GALC: variants seen among roughly 807,000 people sequenced by gnomAD.
GALC encodes galactocerebrosidase.
In GALC, 77 loss-of-function variants were observed where a neutral mutation model predicts 91.8. The observed-to-expected ratio is 0.84, with a 90% CI of 0.70 to 1.01. GALC has a LOEUF of 1.01. GALC is among the 50% of genes least tolerant of loss of function. The pLI is 0.00. For synonymous variants in GALC, 357 were observed against 306.7 expected, an observed-to-expected ratio of 1.16 and a Z score of -1.71; for missense variants, 882 against 855.9, an observed-to-expected ratio of 1.03 and a Z score of -0.38.
intron 16 of GALC, among the ~76,000 whole-genome samples, chr14:87,937,462 G>A (rs1182102287): frequency 6.6e-6 from 1 of 151,938 alleles, no homozygotes; most frequent in Non-Finnish European, 1.5e-5. Flanking sequence ...AGAGGAAACA[G>A]AATGCCCATA....
At chr14:87,966,331 C>A (rs1886052920) in intron 8 of GALC, among the ~76,000 whole-genome samples, 1 of 152,086 alleles carries the variant, frequency 6.6e-6, no homozygotes, top group South Asian at 2.1e-4. Flanking sequence ...TGATCAGGCC[C>A]TAACAGTCCA....
At chr14:87,938,879 G>A (rs1196665013) in intron 16 of GALC, among the ~76,000 whole-genome samples, 3 of 151,832 alleles carry the variant, frequency 2.0e-5, no homozygotes, top group Admixed American at 2.0e-4. Flanking sequence ...TAGTTGTGAC[G>A]TATGTAACAG....
chr14:87,939,818 T>C (rs756923095), intron 16 of GALC, 87 bp downstream of exon 16: 27 of 967,034 alleles, frequency 2.8e-5, no homozygotes, highest in Non-Finnish European at 4.3e-5. Context: ...TATGTCACAC[T>C]TTCCCCCTCC....
At chr14:87,968,940 A>C (rs1163327025) in intron 7 of GALC, among the ~76,000 whole-genome samples, 1 of 152,118 alleles carries the variant, frequency 6.6e-6, no homozygotes, top group Non-Finnish European at 1.5e-5. Flanking sequence ...GGAGGCCAAA[A>C]ATAAGACTAG....
intron 4 of GALC, 62 bp from the exon 5 acceptor site, chr14:87,984,595 AT>A (rs1886894450): frequency 6.3e-7 from 1 of 1,579,804 alleles, no homozygotes; most frequent in African/African-American, 1.4e-5. Flanking sequence ...GCTATTGAAA[AT>A]AAAACAAATT....
chr14:87,936,092 C>A (rs1380838684), intron 16 of GALC, among the ~76,000 whole-genome samples: 1 of 152,032 alleles, frequency 6.6e-6, no homozygotes, highest in East Asian at 1.9e-4. Context: ...TCAGCCACCC[C>A]AGCCTCCAGG....
chr14:87,933,964 T>C lies in GALC; in HGVS notation c.*768A>G, dbSNP rs542346055. ...GGCTGAGGAAACGACTACAACAGCA[T>C]TGGCTATATCAGGTTTTCTTCCTTC... On this transcript the variant is annotated 3_prime_UTR_variant, in exon 17 of 17. Transcript: ENST00000261304. 3.3e-6 allele frequency: 5 copies of C among 1,532,344 alleles called. No homozygotes were observed. Among genetic ancestry groups the C allele is most frequent in the East Asian group, 2.4e-5 (1 of 41,008 alleles). The allele number at this position is 1,532,344 out of a possible 1,614,324, so 94.9% of individuals were successfully genotyped here. A position where few individuals can be genotyped will look rare whatever the true frequency, so the allele number is the denominator to read the frequency against.
At chr14:87,947,247 A>G (rs894706363) in intron 13 of GALC, among the ~76,000 whole-genome samples, 3 of 150,370 alleles carry the variant, frequency 2.0e-5, no homozygotes, top group African/African-American at 7.3e-5. Context: ...ACTTTAGGAC[A>G]GATCTTCCTA....
intron 1 of GALC, among the ~76,000 whole-genome samples, chr14:87,991,019 G>A (rs766571082): frequency 3.2e-4 from 48 of 152,094 alleles, no homozygotes; most frequent in Non-Finnish European, 4.9e-4. Flanking sequence ...CTATCCTCAC[G>A]GCGCTCCTAC....
chr14:87,953,293 G>A (rs1450745920), intron 10 of GALC: 1 of 1,484,182 alleles, frequency 6.7e-7, no homozygotes, highest in East Asian at 2.3e-5. Flanking sequence ...TATAAATAAA[G>A]GGAATGTAAA....
At position 87,934,612 on chromosome 14, in the gene GALC, T is replaced by G. The variant is rs1051502846; in HGVS notation, c.*120A>C. The stretch of plus-strand genomic sequence containing the variant: ...AATAAATTTCTCTCCCCTTTTACTC[T>G]TCATTATTTTTAGTCTCAAAAGCCT... On this transcript the variant is annotated 3_prime_UTR_variant, in exon 17 of 17. Coordinates refer to ENST00000261304, the MANE Select transcript of GALC (RefSeq NM_000153.4). The G allele has an allele frequency of 1.9e-6, 3 of 1,571,224 alleles. No homozygotes were observed. The highest frequency in any genetic ancestry group is 2.6e-6 in the Non-Finnish European group (3 of 1,161,710).
In GALC at chr14:87,988,518, G is replaced by A. The variant is rs1384569360; in HGVS notation, c.201C>T (p.Thr67=). Residue 67 remains threonine, a synonymous_variant, in exon 2 of 17, where the codon ACC becomes ACT. Transcript: ENST00000261304. The stretch of plus-strand genomic sequence containing the variant: ...CTGGGTAATTTACTAGAAGTCGGGA[G>A]GTTGCCTAAAAAAAAAAGTTTTCAA... ...GIGAVSGGGA[T]SRLLVNYPEP... The A allele has an allele frequency of 6.2e-7, 1 of 1,610,678 alleles. No individual in the cohort carries two copies. The highest frequency in any genetic ancestry group is 1.7e-5 in the Admixed American group (1 of 60,000).
intron 1 of GALC, among the ~76,000 whole-genome samples, chr14:87,989,877 C>T (rs960780569): frequency 1.3e-5 from 2 of 152,196 alleles, no homozygotes; most frequent in South Asian, 2.1e-4. Context: ...GCACCCAAAT[C>T]CCTTAATTAT....
rs1348827874 is a variant in GALC, at chr14:87,945,569, T to C, written c.1654A>G (p.Ile552Val). 2 of 1,604,136 alleles carry C rather than the reference T, an allele frequency of 1.2e-6. No homozygotes were observed. The highest frequency in any genetic ancestry group is 1.7e-5 in the Admixed American group (1 of 59,886). The change falls in exon 14 of 17, where the codon ATA becomes GTA. Residue 552 changes from isoleucine to valine, a missense_variant. Transcript: ENST00000261304. ...AADASNTISIIGDYNWTNLTI... is the reference protein window; with the variant it reads ...AADASNTISIVGDYNWTNLTI... ...CAATCTTACCAGTTGTAGTCTCCTA[T>C]AATACTGATTGTGTTGGATGCATCG... is the stretch of plus-strand genomic sequence containing the variant.
chr14:87,954,531 C>T (rs907569934), intron 10 of GALC: 16 of 1,558,484 alleles, frequency 1.0e-5, no homozygotes, highest in Middle Eastern at 2.1e-4. Flanking sequence ...ATGCCTTGGT[C>T]ATCCTGTGAG....
rs193104287 is a variant in GALC at position 87,937,262 on chromosome 14, C to T, written c.1912-2384G>A. Among the ~76,000 whole-genome samples, 4 of 115,560 alleles carry T rather than the reference C, an allele frequency of 3.5e-5. No individual in the cohort carries two copies. The East Asian group carries it at 1.0e-3, about 30-fold the overall frequency. 75.8% of individuals were successfully genotyped at this position (115,560 alleles called of 152,430 possible). A position where few individuals can be genotyped will look rare whatever the true frequency, so the allele number is the denominator to read the frequency against. Reference sequence around the variant, plus strand: ...TTAAGATGAACAAGAAAGACAAGGTCCCTGCTCTTATGGAGCTTATATTCT... The same window carrying T: ...TTAAGATGAACAAGAAAGACAAGGTTCCTGCTCTTATGGAGCTTATATTCT... On this transcript the variant is annotated intron_variant, in intron 16 of 16. Coordinates refer to ENST00000261304, the MANE Select transcript of GALC (RefSeq NM_000153.4).
At position 87,968,599 on chromosome 14, in the gene GALC, A is replaced by G. The variant is rs1055788583; in HGVS notation, c.753-109T>C. 3.7e-6 allele frequency: 4 copies of G among 1,067,624 alleles called. No individual in the cohort carries two copies. The African/African-American group carries it at 6.3e-5, about 17-fold the overall frequency. 66.1% of individuals were successfully genotyped at this position (1,067,624 alleles called of 1,614,324 possible). On this transcript the variant is annotated intron_variant, in intron 7 of 16. Transcript: ENST00000261304. Reference sequence around the variant, plus strand: ...ATACGAGTCTTCTCCAAGGTTTTCTATTTTAAAACAGTTGGGTAGCTTCCA... The same window carrying G: ...ATACGAGTCTTCTCCAAGGTTTTCTGTTTTAAAACAGTTGGGTAGCTTCCA...
intron 8 of GALC, among the ~76,000 whole-genome samples, chr14:87,965,980 C>G (rs1435297411): frequency 6.6e-6 from 1 of 152,140 alleles, no homozygotes; most frequent in East Asian, 1.9e-4. Flanking sequence ...TTTGTGCATA[C>G]CTACTTTCCT....
chr14:87,935,632 T>C (rs1884539207), intron 16 of GALC, among the ~76,000 whole-genome samples: 1 of 152,098 alleles, frequency 6.6e-6, no homozygotes, highest in South Asian at 2.1e-4. Flanking sequence ...TCAGCTCTTA[T>C]TATCTTTATG....
Sources: gnomAD v4.1 joint callset for allele counts (sites outside exome capture counted in the v4.1 genomes callset) on GRCh38, gnomAD v4.1.1 for gene constraint, MANE v1.5 for transcripts, NCBI Gene and HGNC (gene_info 2026-07-23, HGNC 2026-07-21) for gene names.